The following LONP2 variants were observed in gnomAD, a reference collection of about 807,000 sequenced individuals.
The protein encoded by LONP2 is lon peptidase 2, peroxisomal.
In LONP2, 60 loss-of-function variants were observed where a neutral mutation model predicts 85.6. That is an observed-to-expected ratio of 0.70 (90% CI 0.57 to 0.87). The LOEUF (loss-of-function observed/expected upper bound fraction) is 0.87, where lower values mean the gene tolerates loss of function less well. Among genes scored for constraint, LONP2 ranks in the 40% least tolerant of loss-of-function variants. The probability of loss-of-function intolerance (pLI) is 0.00; values close to 1 mark genes in which losing one functional copy is unlikely to be tolerated. For synonymous variants in LONP2, 395 were observed against 389.7 expected, an observed-to-expected ratio of 1.01 and a Z score of -0.16; for missense variants, 860 against 1,063.5, an observed-to-expected ratio of 0.81 and a Z score of 2.66.
chr16:48,268,743 A>G (rs1384185034), intron 6 of LONP2, among the ~76,000 whole-genome samples: 5 of 152,140 alleles, frequency 3.3e-5, no homozygotes, highest in African/African-American at 1.2e-4. Context: ...TTCTTCTCCT[A>G]CTTCACTCAC....
At position 48,287,453 on chromosome 16, in the gene LONP2, C is replaced by T. The variant is rs534987219; in HGVS notation, c.1384-8562C>T. On this transcript the variant is annotated intron_variant, in intron 8 of 14. Transcript: ENST00000285737. The stretch of plus-strand genomic sequence containing the variant: ...GGCAGCTGCAGTGCTAAAACAGTTG[C>T]CACTGGTTGTTTTTGGCAAATGTCC... Among the ~76,000 whole-genome samples the T allele has an allele frequency of 2.6e-5, 4 of 152,336 alleles. No individual in the cohort carries two copies. The East Asian group carries it at 5.8e-4, about 22-fold the overall frequency.
At chr16:48,334,119 T>G (rs1959560457) in intron 11 of LONP2, 97 bp from the exon 12 acceptor site, 1 of 1,084,620 alleles carries the variant, frequency 9.2e-7, no homozygotes, top group Admixed American at 2.3e-5. Flanking sequence ...GACTGAACTT[T>G]TGAGGTCCAC....
At chr16:48,309,813 T>G (rs925281844) in intron 11 of LONP2, among the ~76,000 whole-genome samples, 1 of 152,180 alleles carries the variant, frequency 6.6e-6, no homozygotes, top group Admixed American at 6.5e-5. Flanking sequence ...AAATGTATCT[T>G]TTGTGGTTGT....
Position 48,244,467 on chromosome 16 carries a change from T to C in LONP2, c.79T>C (p.Ser27Pro). 6.3e-7 allele frequency: 1 copy of C among 1,597,204 alleles called. No individual in the cohort carries two copies. Among genetic ancestry groups the C allele is most frequent in the Non-Finnish European group, 8.5e-7 (1 of 1,175,940 alleles). Residue 27 changes from serine to proline, a missense_variant, in exon 1 of 15, where the codon TCC becomes CCC. Ser to Pro is a moderately conservative substitution (Grantham distance 74, BLOSUM62 -1). This residue lies in a region of LONP2 where 743 missense variants were observed against 917.3 expected (regional missense o/e 0.81). Coordinates refer to ENST00000285737, the MANE Select transcript of LONP2 (RefSeq NM_031490.5). ...LTHEGVLLPG[S>P]TMRTSVDSAR... ...CCACGAGGGCGTCCTGCTGCCCGGC[T>C]CCACCATGCGCACCAGCGTGGACTC...
intron 14 of LONP2, 120 bp downstream of exon 14, chr16:48,348,410 AT>A (rs1329246608): frequency 6.3e-6 from 3 of 476,702 alleles, no homozygotes; most frequent in African/African-American, 4.1e-5. Context: ...TATATATTAT[AT>A]TTTTATGCCT....
rs979838844 is a variant in LONP2, at chr16:48,355,645, A to G, written c.*3843A>G. ...CCTTCCAGCAATGCACAAATGTTCC[A>G]GTTTCTCCACATCCTTGCCAGCACT... On this transcript the variant is annotated 3_prime_UTR_variant, in exon 15 of 15. Transcript: ENST00000285737. 2.0e-4 allele frequency: 30 copies of G among 152,312 alleles called. No homozygotes were observed. Among genetic ancestry groups the G allele is most frequent in the African/African-American group, 7.2e-4 (30 of 41,564 alleles). 9.4% of individuals were successfully genotyped at this position (152,312 alleles called of 1,614,324 possible).
intron 11 of LONP2, among the ~76,000 whole-genome samples, chr16:48,332,210 C>G (rs1959476333): frequency 6.6e-6 from 1 of 152,176 alleles, no homozygotes; most frequent in South Asian, 2.1e-4. Context: ...TAAACATACT[C>G]TGTAATCACT....
intron 10 of LONP2, 58 bp from the exon 11 acceptor site, chr16:48,303,114 C>G: frequency 6.4e-7 from 1 of 1,572,734 alleles, no homozygotes; most frequent in Non-Finnish European, 8.7e-7. Flanking sequence ...ATCACATTAC[C>G]TCTCTATTTT....
At chr16:48,290,082 C>T (rs1024588333) in intron 8 of LONP2, among the ~76,000 whole-genome samples, 1 of 152,082 alleles carries the variant, frequency 6.6e-6, no homozygotes, top group African/African-American at 2.4e-5. Flanking sequence ...ATTTTCGTTT[C>T]TTTAATCCCT....
At chr16:48,325,366 A>G (rs1278888832) in intron 11 of LONP2, among the ~76,000 whole-genome samples, 1 of 151,850 alleles carries the variant, frequency 6.6e-6, no homozygotes, top group East Asian at 1.9e-4. Flanking sequence ...TATTCCTCCT[A>G]TTTATCTGCA....
At chr16:48,343,831 A>G (rs1010513273) in intron 12 of LONP2, 3 of 152,252 alleles carry the variant, frequency 2.0e-5, no homozygotes, top group African/African-American at 7.2e-5. Flanking sequence ...ATTTCATGGA[A>G]CAAGATTTAT....
chr16:48,264,300 A>T (rs1971942032), intron 6 of LONP2, among the ~76,000 whole-genome samples: 1 of 152,028 alleles, frequency 6.6e-6, no homozygotes, highest in Admixed American at 6.5e-5. Context: ...ACCATAAGAG[A>T]CAGGTACGCC....
chr16:48,261,390 A>G, intron 4 of LONP2, 34 bp from the exon 5 acceptor site: 1 of 1,505,768 alleles, frequency 6.6e-7, no homozygotes, highest in Non-Finnish European at 9.0e-7. Context: ...ATTTATTTTG[A>G]CATACGGTTT....
Position 48,351,975 on chromosome 16 carries a change from T to C in LONP2, c.*173T>C. ...GTGTTTAGTATAGAAATATAAGATG[T>C]TGATTTAGTAAACTGATAAAAATCG... On this transcript the variant is annotated 3_prime_UTR_variant, in exon 15 of 15. Coordinates refer to ENST00000285737, the MANE Select transcript of LONP2 (RefSeq NM_031490.5). The C allele has an allele frequency of 1.7e-6, 1 of 604,652 alleles. No homozygotes were observed. The highest frequency in any genetic ancestry group is 2.9e-6 in the Non-Finnish European group (1 of 345,010). The allele number at this position is 604,652 out of a possible 1,614,324, so 37.5% of individuals were successfully genotyped here.
In LONP2 at chr16:48,354,591, G is replaced by A. The variant is rs1485432321; in HGVS notation, c.*2789G>A. On this transcript the variant is annotated 3_prime_UTR_variant, in exon 15 of 15. Transcript: ENST00000285737. ...AAATTCCACCCTCACCCCAGACCCT[G>A]GTAACCACTATTTCACTTTCTTTCT... 1 of 152,168 alleles carries A rather than the reference G, an allele frequency of 6.6e-6. No individual in the cohort carries two copies. Among genetic ancestry groups the A allele is most frequent in the Non-Finnish European group, 1.5e-5 (1 of 68,170 alleles). 9.4% of individuals were successfully genotyped at this position (152,168 alleles called of 1,614,324 possible).
At chr16:48,290,915 C>T (rs1313710351) in intron 8 of LONP2, among the ~76,000 whole-genome samples, 1 of 152,156 alleles carries the variant, frequency 6.6e-6, no homozygotes, top group Non-Finnish European at 1.5e-5. Context: ...CTGTGACCAG[C>T]CCACATCCTG....
At position 48,318,449 on chromosome 16, in the gene LONP2, G is replaced by T. The variant is rs577045629; in HGVS notation, c.1795+15144G>T. ...TGGGAGGATCATTTGAACCTGGGAG[G>T]CGGGGATTGCAGTGAGCCGAGATCA... On this transcript the variant is annotated intron_variant, in intron 11 of 14. Transcript: ENST00000285737. 1.1e-3 allele frequency among the ~76,000 whole-genome samples: 172 copies of T among 151,474 alleles called. 1 individual carries two copies. The highest frequency in any genetic ancestry group is 2.3e-3 in the Admixed American group (35 of 15,218).
rs1004660991 is a variant in LONP2, at chr16:48,350,401, T to A, written c.2338-1180T>A. ...AAGACTGTCTCAAAAAAAAAAAAAA[T>A]AGTAATGAAAGCTGTGAGGGAAAAT... On this transcript the variant is annotated intron_variant, in intron 14 of 14. Coordinates refer to ENST00000285737, the MANE Select transcript of LONP2 (RefSeq NM_031490.5). Among the ~76,000 whole-genome samples the A allele has an allele frequency of 5.3e-3, 768 of 143,702 alleles. 5 individuals carry two copies. Among genetic ancestry groups the A allele is most frequent in the African/African-American group, 0.018 (730 of 39,794 alleles). The allele number at this position is 143,702 out of a possible 152,430, so 94.3% of individuals were successfully genotyped here. A position where few individuals can be genotyped will look rare whatever the true frequency, so the allele number is the denominator to read the frequency against.
chr16:48,275,421 G>T (rs757812312), intron 7 of LONP2, among the ~76,000 whole-genome samples: 1 of 152,050 alleles, frequency 6.6e-6, no homozygotes. Context: ...GTAAGACCCC[G>T]TCTCTGTCAT....
Sources: allele counts gnomAD v4.1 joint callset (sites outside exome capture counted in the v4.1 genomes callset), GRCh38; gene constraint gnomAD v4.1.1; regional missense constraint gnomAD v4.1.1; transcripts MANE v1.5; gene names NCBI Gene and HGNC (gene_info 2026-07-23, HGNC 2026-07-21).